The following CRPPA variants were observed in gnomAD, a reference collection of about 807,000 sequenced individuals.
CRPPA encodes the protein D-ribitol-5-phosphate cytidylyltransferase.
In CRPPA, 43 loss-of-function variants were observed where a neutral mutation model predicts 52.0. The ratio of observed to expected loss-of-function variants is 0.83; its 90% confidence interval spans 0.65 to 1.07. CRPPA has a LOEUF of 1.07. Ranked by LOEUF, CRPPA falls within the 50% of genes least tolerant of loss-of-function variation. The pLI is 0.00. For missense variants in CRPPA, 629 were observed against 551.7 expected (o/e 1.14, Z -1.40); for synonymous variants, 250 against 203.5 (o/e 1.23, Z -1.94).
intron 7 of CRPPA, 31 bp from the exon 8 acceptor site, chr7:16,258,513 G>A: frequency 7.4e-7 from 1 of 1,355,546 alleles, no homozygotes; most frequent in Middle Eastern, 1.8e-4. Context: ...AAGGATATGA[G>A]AAGACGTTTT....
intron 3 of CRPPA, among the ~76,000 whole-genome samples, chr7:16,321,870 C>T (rs1004348638): frequency 6.6e-6 from 1 of 151,988 alleles, no homozygotes; most frequent in African/African-American, 2.4e-5. Flanking sequence ...ATTTGCCAGG[C>T]AATATACTAA....
intron 9 of CRPPA, among the ~76,000 whole-genome samples, chr7:16,093,597 G>A (rs1356300517): frequency 2.6e-5 from 4 of 152,010 alleles, no homozygotes; most frequent in East Asian, 1.9e-4. Flanking sequence ...GGTTTTATAC[G>A]ACATTTTAAA....
intron 2 of CRPPA, among the ~76,000 whole-genome samples, chr7:16,398,816 C>T (rs924402200): frequency 3.3e-5 from 5 of 152,150 alleles, no homozygotes; most frequent in African/African-American, 1.2e-4. Flanking sequence ...TGAAACGTGA[C>T]CAATACGTTT....
rs566525575 is a variant in CRPPA, at chr7:16,235,486, C to T, written c.1120-19289G>A. ...AGTATGGGTCAAGCCTGGTCTGCTG[C>T]CTATTTTGTAATACAGTATTCCTGG... On this transcript the variant is annotated intron_variant, in intron 8 of 9. Transcript: ENST00000407010. 2.6e-5 allele frequency among the ~76,000 whole-genome samples: 4 copies of T among 152,090 alleles called. No individual in the cohort carries two copies. In the South Asian group the frequency reaches 8.3e-4, roughly 32 times the overall value.
chr7:16,155,907 T>C (rs1326526903), intron 9 of CRPPA, among the ~76,000 whole-genome samples: 1 of 152,098 alleles, frequency 6.6e-6, no homozygotes, highest in East Asian at 1.9e-4. Flanking sequence ...AAACAAGGGT[T>C]CCTTAATCTC....
In CRPPA at chr7:16,258,491, C is replaced by T; in HGVS notation, c.1027-9G>A. ...AAATCAGAGGTTGTAACCTAAAAGA[C>T]CAGAAAAATAAAAGGATATGAGAAG... On this transcript the variant is annotated splice_polypyrimidine_tract_variant and intron_variant, in intron 7 of 9. Coordinates refer to ENST00000407010, the MANE Select transcript of CRPPA (RefSeq NM_001101426.4). 6.4e-7 allele frequency: 1 copy of T among 1,554,798 alleles called. No individual in the cohort carries two copies.
At chr7:16,304,176 T>C (rs1200577627) in intron 4 of CRPPA, among the ~76,000 whole-genome samples, 4 of 152,164 alleles carry the variant, frequency 2.6e-5, no homozygotes, top group African/African-American at 7.2e-5. Flanking sequence ...GAGGGTTTAC[T>C]TGGGCCTGTC....
chr7:16,298,431 C>T (rs1046496155), intron 5 of CRPPA, among the ~76,000 whole-genome samples: 1 of 152,200 alleles, frequency 6.6e-6, no homozygotes, highest in Non-Finnish European at 1.5e-5. Flanking sequence ...TGCTTTAGAA[C>T]TCTCAAATAC....
At chr7:16,387,402 A>T in intron 2 of CRPPA, among the ~76,000 whole-genome samples, 1 of 151,988 alleles carries the variant, frequency 6.6e-6, no homozygotes, top group East Asian at 1.9e-4. Flanking sequence ...CTAGCAATGA[A>T]ACTCAAAAAA....
At chr7:16,144,630 T>G (rs1029172818) in intron 9 of CRPPA, among the ~76,000 whole-genome samples, 1 of 152,186 alleles carries the variant, frequency 6.6e-6, no homozygotes, top group African/African-American at 2.4e-5. Context: ...CCTTTGATCA[T>G]TCACATGCAG....
chr7:16,273,647 C>T (rs952824166), intron 6 of CRPPA, among the ~76,000 whole-genome samples: 2 of 152,100 alleles, frequency 1.3e-5, no homozygotes, highest in Admixed American at 6.5e-5. Flanking sequence ...TGATTCCTCC[C>T]GGACACCGAA....
At chr7:16,344,452 T>TAG (rs1301634011) in intron 3 of CRPPA, among the ~76,000 whole-genome samples, 1 of 149,282 alleles carries the variant, frequency 6.7e-6, no homozygotes, top group Non-Finnish European at 1.5e-5. Context: ...GGCATGTGCC[T>TAG]AGTCCTGCCT....
At chr7:16,277,958 G>C (rs1046815270) in intron 6 of CRPPA, among the ~76,000 whole-genome samples, 171 bp downstream of exon 6, 1 of 152,178 alleles carries the variant, frequency 6.6e-6, no homozygotes, top group African/African-American at 2.4e-5. Context: ...AAGGGGGATG[G>C]AGTATGTTTC....
At chr7:16,169,224 T>C (rs1364340594) in intron 9 of CRPPA, among the ~76,000 whole-genome samples, 1 of 152,136 alleles carries the variant, frequency 6.6e-6, no homozygotes, top group East Asian at 1.9e-4. Context: ...AGGTAAGATA[T>C]AATTAAAAGG....
intron 9 of CRPPA, among the ~76,000 whole-genome samples, chr7:16,206,780 G>A (rs933022254): frequency 5.3e-5 from 8 of 152,016 alleles, no homozygotes; most frequent in Admixed American, 5.2e-4. Flanking sequence ...TGAAACATCT[G>A]TGTTTTTCCT....
intron 9 of CRPPA, among the ~76,000 whole-genome samples, chr7:16,184,237 G>T (rs535536106): frequency 1.3e-5 from 2 of 152,032 alleles, no homozygotes; most frequent in African/African-American, 4.8e-5. Flanking sequence ...CACCACGCCC[G>T]GCCTGGTATT....
At chr7:16,311,828 T>G (rs1310507674) in intron 3 of CRPPA, among the ~76,000 whole-genome samples, 1 of 152,144 alleles carries the variant, frequency 6.6e-6, no homozygotes, top group East Asian at 1.9e-4. Context: ...ATTTTTGGCA[T>G]GTGGTTGTCT....
intron 2 of CRPPA, among the ~76,000 whole-genome samples, chr7:16,392,693 A>T (rs552012028): frequency 1.4e-4 from 22 of 152,192 alleles, no homozygotes; most frequent in African/African-American, 4.3e-4. Flanking sequence ...TGATATTTTA[A>T]CCTCACTTCC....
intron 9 of CRPPA, among the ~76,000 whole-genome samples, chr7:16,205,867 C>T (rs1464309319): frequency 6.6e-6 from 1 of 151,360 alleles, no homozygotes; most frequent in East Asian, 1.9e-4. Flanking sequence ...AATACGAAGC[C>T]AGAAATTTAA....
Sources: gnomAD v4.1 joint callset for allele counts (sites outside exome capture counted in the v4.1 genomes callset) on GRCh38, gnomAD v4.1.1 for gene constraint, MANE v1.5 for transcripts, NCBI Gene and HGNC (gene_info 2026-07-23, HGNC 2026-07-21) for gene names.